Variants in LRMDA observed in about 807,000 individuals in gnomAD.
LRMDA encodes leucine rich melanocyte differentiation associated.
Under a neutral mutation model 29.8 loss-of-function variants are expected in LRMDA, and 18 were observed. The observed-to-expected ratio is 0.60, with a 90% CI of 0.42 to 0.90. LRMDA has a LOEUF of 0.90. Ranked by LOEUF, LRMDA falls within the 40% of genes least tolerant of loss-of-function variation. The pLI, the probability that LRMDA is intolerant of heterozygous loss-of-function variation, is 0.00. For missense variants in LRMDA, 273 were observed against 273.9 expected, an observed-to-expected ratio of 1.00 and a Z score of 0.02; for synonymous variants, 125 against 109.4, an observed-to-expected ratio of 1.14 and a Z score of -0.89.
At chr10:76,199,585 C>T (rs971472361) in intron 5 of LRMDA, among the ~76,000 whole-genome samples, 12 of 152,098 alleles carry the variant, frequency 7.9e-5, no homozygotes, top group South Asian at 4.1e-4. Flanking sequence ...AAACTTAAAA[C>T]GGCTAAATAT....
chr10:75,511,778 C>A (rs143839853), intron 2 of LRMDA, among the ~76,000 whole-genome samples: 2 of 152,326 alleles, frequency 1.3e-5, no homozygotes, highest in East Asian at 1.9e-4. Context: ...TCATATGAGG[C>A]ACTTTCCCTT....
At chr10:75,727,376 A>T (rs2132194122) in intron 2 of LRMDA, among the ~76,000 whole-genome samples, 1 of 152,320 alleles carries the variant, frequency 6.6e-6, no homozygotes, top group African/African-American at 2.4e-5. Context: ...GGGCTGCCTC[A>T]ACAGCCTTTA....
intron 5 of LRMDA, among the ~76,000 whole-genome samples, chr10:76,146,462 T>C (rs1397336268): frequency 6.6e-6 from 1 of 151,394 alleles, no homozygotes; most frequent in Non-Finnish European, 1.5e-5. Context: ...TCTTTGTCTC[T>C]TTTTATCTTT....
intron 5 of LRMDA, among the ~76,000 whole-genome samples, chr10:76,119,735 G>A (rs935660826): frequency 5.3e-5 from 8 of 152,304 alleles, no homozygotes; most frequent in Non-Finnish European, 1.0e-4. Flanking sequence ...CTGGAACTTT[G>A]TAATTCTGTA....
chr10:76,281,642 C>T (rs750580409), intron 5 of LRMDA, among the ~76,000 whole-genome samples: 17 of 152,042 alleles, frequency 1.1e-4, no homozygotes, highest in Non-Finnish European at 1.9e-4. Flanking sequence ...TGAAAAGGGC[C>T]CTCTGCCGGC....
At chr10:76,022,288 G>A (rs1026413655) in intron 2 of LRMDA, among the ~76,000 whole-genome samples, 1 of 152,054 alleles carries the variant, frequency 6.6e-6, no homozygotes, top group African/African-American at 2.4e-5. Context: ...AAAAGATGGA[G>A]CCAGTCACCT....
intron 2 of LRMDA, among the ~76,000 whole-genome samples, chr10:75,802,972 A>AT (rs141657133): frequency 0.028 from 3,131 of 109,984 alleles, 102 homozygotes; most frequent in African/African-American, 0.076. Context: ...ATATATATAT[A>AT]TTTTTTTTTT....
chr10:76,281,179 C>G (rs889616264), intron 5 of LRMDA, among the ~76,000 whole-genome samples: 5 of 152,114 alleles, frequency 3.3e-5, no homozygotes, highest in Non-Finnish European at 7.3e-5. Flanking sequence ...AAGGTCTTTT[C>G]TAGGCTGAGG....
At chr10:75,660,173 G>A (rs1176985158) in intron 2 of LRMDA, among the ~76,000 whole-genome samples, 2 of 152,084 alleles carry the variant, frequency 1.3e-5, no homozygotes, top group African/African-American at 2.4e-5. Context: ...GCACACATCT[G>A]TAATTATATT....
intron 2 of LRMDA, among the ~76,000 whole-genome samples, chr10:75,939,680 A>C (rs1166685874): frequency 1.3e-5 from 2 of 152,124 alleles, no homozygotes; most frequent in Non-Finnish European, 2.9e-5. Context: ...TCTCTCCTCC[A>C]TTACCTTTGG....
At chr10:75,531,614 C>T (rs1286267897) in intron 2 of LRMDA, among the ~76,000 whole-genome samples, 2 of 152,110 alleles carry the variant, frequency 1.3e-5, no homozygotes, top group African/African-American at 4.8e-5. Context: ...TGGTGTTTGA[C>T]CTTGGTTTTC....
intron 6 of LRMDA, among the ~76,000 whole-genome samples, chr10:76,500,639 G>A (rs1462524852): frequency 2.7e-5 from 2 of 74,486 alleles, no homozygotes; most frequent in East Asian, 5.1e-4. Flanking sequence ...TCAGCACTGG[G>A]GAAATTCATC....
At chr10:76,048,371 T>G (rs576708001) in intron 4 of LRMDA, among the ~76,000 whole-genome samples, 2 of 152,198 alleles carry the variant, frequency 1.3e-5, no homozygotes, top group African/African-American at 2.4e-5. Flanking sequence ...TGGTCTCAAG[T>G]ACAGGGCTTA....
intron 5 of LRMDA, among the ~76,000 whole-genome samples, chr10:76,269,131 C>T (rs1840038328): frequency 6.6e-6 from 1 of 152,084 alleles, no homozygotes; most frequent in Non-Finnish European, 1.5e-5. Flanking sequence ...CCAGTAGCAT[C>T]CGTGGTGACA....
intron 2 of LRMDA, among the ~76,000 whole-genome samples, chr10:75,524,899 C>T (rs1845397107): frequency 6.6e-6 from 1 of 152,054 alleles, no homozygotes; most frequent in African/African-American, 2.4e-5. Context: ...TTAAAGGGAA[C>T]CTGAGTTTGG....
intron 2 of LRMDA, among the ~76,000 whole-genome samples, chr10:75,950,272 A>G (rs917566460): frequency 6.6e-6 from 1 of 152,118 alleles, no homozygotes; most frequent in Non-Finnish European, 1.5e-5. Context: ...AATGGCACTC[A>G]TCACTTCCTC....
chr10:76,506,024 GCCAGGAACTGTC>G (rs1842956170), intron 6 of LRMDA, among the ~76,000 whole-genome samples: 2 of 152,088 alleles, frequency 1.3e-5, no homozygotes, highest in South Asian at 4.1e-4. Flanking sequence ...GCTATTTGGG[GCCAGGAACTGTC>G]CCTGACATTT....
chr10:75,823,756 A>G (rs1265841527), intron 2 of LRMDA, among the ~76,000 whole-genome samples: 2 of 151,562 alleles, frequency 1.3e-5, no homozygotes, highest in African/African-American at 4.9e-5. Context: ...ACCTACTTAC[A>G]TACACACACA....
intron 2 of LRMDA, among the ~76,000 whole-genome samples, chr10:75,865,450 T>A (rs950318344): frequency 1.3e-5 from 2 of 152,198 alleles, no homozygotes; most frequent in African/African-American, 2.4e-5. Context: ...GACTCACTGG[T>A]TCTTTACATA....
Sources: allele counts gnomAD v4.1 joint callset (sites outside exome capture counted in the v4.1 genomes callset), GRCh38; gene constraint gnomAD v4.1.1; transcripts MANE v1.5; gene names NCBI Gene and HGNC (gene_info 2026-07-23, HGNC 2026-07-21).